GULP1: variants seen among roughly 807,000 people sequenced by gnomAD.
GULP1 encodes the protein GULP PTB domain containing engulfment adaptor 1.
A neutral mutation model predicts 40.9 loss-of-function variants in GULP1; 19 were observed. That is an observed-to-expected ratio of 0.46 (90% confidence interval 0.32 to 0.68). The LOEUF (loss-of-function observed/expected upper bound fraction) is 0.68. GULP1 is among the 30% of genes least tolerant of loss of function. The pLI is 0.03. For synonymous variants in GULP1, 119 were observed against 117.6 expected, an observed-to-expected ratio of 1.01 and a Z score of -0.08; for missense variants, 312 against 362.2, an observed-to-expected ratio of 0.86 and a Z score of 1.12.
chr2:188,407,769 T>C (rs973694942), intron 2 of GULP1, among the ~76,000 whole-genome samples: 2 of 152,072 alleles, frequency 1.3e-5, no homozygotes, highest in African/African-American at 2.4e-5. Context: ...ATTAACAAAA[T>C]GGCAGTAATA....
chr2:188,408,907 A>G (rs2053498089), intron 2 of GULP1, among the ~76,000 whole-genome samples: 1 of 152,214 alleles, frequency 6.6e-6, no homozygotes, highest in African/African-American at 2.4e-5. Context: ...CAACGGGTCA[A>G]AAAAGAAATT....
intron 2 of GULP1, among the ~76,000 whole-genome samples, chr2:188,469,090 G>A (rs2060369083): frequency 6.6e-6 from 1 of 152,168 alleles, no homozygotes; most frequent in Admixed American, 6.5e-5. Flanking sequence ...GCTGAATATG[G>A]ATTAGAGTTT....
intron 2 of GULP1, among the ~76,000 whole-genome samples, 191 bp from the exon 3 acceptor site, chr2:188,477,468 A>G (rs1049000165): frequency 6.6e-6 from 1 of 152,142 alleles, no homozygotes; most frequent in African/African-American, 2.4e-5. Context: ...AGACATTCCT[A>G]TCTGCTTGTG....
chr2:188,470,096 C>G (rs1285535662), intron 2 of GULP1, among the ~76,000 whole-genome samples: 3 of 152,054 alleles, frequency 2.0e-5, no homozygotes, highest in African/African-American at 7.2e-5. Flanking sequence ...GAAGTATTCT[C>G]TCCTCCTCTA....
At chr2:188,325,445 T>G (rs1249188686) in intron 1 of GULP1, among the ~76,000 whole-genome samples, 1 of 152,138 alleles carries the variant, frequency 6.6e-6, no homozygotes, top group Non-Finnish European at 1.5e-5. Flanking sequence ...AAGTTTGATT[T>G]GTTGTTTCTG....
intron 1 of GULP1, among the ~76,000 whole-genome samples, chr2:188,311,616 C>A (rs1034954446): frequency 2.0e-5 from 3 of 151,370 alleles, no homozygotes; most frequent in African/African-American, 7.3e-5. Context: ...GTAGATGTAT[C>A]CAATTTTAAC....
intron 9 of GULP1, among the ~76,000 whole-genome samples, chr2:188,572,214 T>C (rs558488985): frequency 4.7e-4 from 71 of 152,308 alleles, no homozygotes; most frequent in African/African-American, 1.7e-3. Context: ...GTGGAAAGCA[T>C]GCAAGTTGGT....
At chr2:188,538,188 A>C (rs545542213) in intron 6 of GULP1, among the ~76,000 whole-genome samples, 50 of 151,968 alleles carry the variant, frequency 3.3e-4, no homozygotes, top group South Asian at 2.7e-3. Context: ...ATTTCATTCA[A>C]TTCCACTCAG....
At chr2:188,360,120 A>G (rs531143017) in intron 1 of GULP1, among the ~76,000 whole-genome samples, 1 of 152,172 alleles carries the variant, frequency 6.6e-6, no homozygotes, top group African/African-American at 2.4e-5. Flanking sequence ...TCTTTGGTTG[A>G]CATCCTGTAG....
intron 1 of GULP1, among the ~76,000 whole-genome samples, chr2:188,317,561 G>A (rs2039290528): frequency 6.6e-6 from 1 of 152,010 alleles, no homozygotes; most frequent in Admixed American, 6.6e-5. Flanking sequence ...TTATGGTGCA[G>A]TCTGTCAAAT....
intron 1 of GULP1, among the ~76,000 whole-genome samples, chr2:188,375,810 A>G (rs2048217959): frequency 6.6e-6 from 1 of 152,174 alleles, no homozygotes; most frequent in African/African-American, 2.4e-5. Context: ...ATATTTGGAA[A>G]AAATTCTGTT....
chr2:188,378,658 G>A (rs1347398965), intron 1 of GULP1, among the ~76,000 whole-genome samples: 1 of 152,080 alleles, frequency 6.6e-6, no homozygotes, highest in Non-Finnish European at 1.5e-5. Flanking sequence ...AAAGAGAGAG[G>A]GGAGGGAGGT....
Position 188,483,472 on chromosome 2 carries a change from T to A in GULP1, c.70T>A (p.Phe24Ile). 2 of 1,493,686 alleles carry A rather than the reference T, an allele frequency of 1.3e-6. No individual in the cohort carries two copies. The highest frequency in any genetic ancestry group is 1.9e-6 in the Non-Finnish European group (2 of 1,078,796). 92.5% of individuals were successfully genotyped at this position (1,493,686 alleles called of 1,614,324 possible). ...TACACCTGAAGCTTTATCAAAACAT[T>A]TCATTCCCTATAATGCAAAGGTAAA... ...MHTPEALSKH[F>I]IPYNAKFLGS... is the part of the protein sequence containing the mutation. Residue 24 changes from phenylalanine to isoleucine, a missense_variant, in exon 4 of 12, where the codon TTC becomes ATC. Phe to Ile is a conservative substitution (Grantham distance 21, BLOSUM62 0). Coordinates refer to ENST00000409830, the MANE Select transcript of GULP1 (RefSeq NM_016315.4).
intron 1 of GULP1, among the ~76,000 whole-genome samples, chr2:188,338,956 A>C (rs2042634010): frequency 6.6e-6 from 1 of 152,136 alleles, no homozygotes; most frequent in Non-Finnish European, 1.5e-5. Flanking sequence ...AATTGTAGTT[A>C]AGTTTTTCTT....
chr2:188,525,315 T>G (rs1416990299), intron 5 of GULP1, among the ~76,000 whole-genome samples: 1 of 151,982 alleles, frequency 6.6e-6, no homozygotes, highest in Non-Finnish European at 1.5e-5. Context: ...CACTTGAACC[T>G]GGGAAGCAGG....
chr2:188,550,747 G>A (rs566442071), intron 7 of GULP1, among the ~76,000 whole-genome samples: 8 of 151,458 alleles, frequency 5.3e-5, no homozygotes, highest in South Asian at 2.1e-4. Flanking sequence ...CATATTTCAC[G>A]TTTGCTTTGT....
chr2:188,304,263 TTCTG>T (rs1490758991), intron 1 of GULP1, among the ~76,000 whole-genome samples: 2 of 152,328 alleles, frequency 1.3e-5, no homozygotes, highest in East Asian at 3.9e-4. Flanking sequence ...ATTTGTCTCT[TTCTG>T]TCTATTAAGA....
chr2:188,301,565 A>G (rs569020420), intron 1 of GULP1, among the ~76,000 whole-genome samples: 1 of 152,324 alleles, frequency 6.6e-6, no homozygotes, highest in Admixed American at 6.5e-5. Context: ...ACTCAGGGGA[A>G]GTCAATCCTA....
intron 1 of GULP1, among the ~76,000 whole-genome samples, chr2:188,317,036 G>A: frequency 6.6e-6 from 1 of 152,126 alleles, no homozygotes; most frequent in East Asian, 1.9e-4. Flanking sequence ...GGCCACACCT[G>A]CACTTAACCC....
Sources: allele counts gnomAD v4.1 joint callset (sites outside exome capture counted in the v4.1 genomes callset), GRCh38; gene constraint gnomAD v4.1.1; transcripts MANE v1.5; gene names NCBI Gene and HGNC (gene_info 2026-07-23, HGNC 2026-07-21).